The following EPC1 variants were observed in gnomAD, a reference collection of about 807,000 sequenced individuals.
The protein encoded by EPC1 is enhancer of polycomb 1, also known as enhancer of polycomb homolog 1.
A neutral mutation model predicts 98.4 loss-of-function variants in EPC1; 12 were observed. That is an observed-to-expected ratio of 0.12 (90% CI 0.08 to 0.20). The LOEUF (loss-of-function observed/expected upper bound fraction) is 0.20. Ranked by LOEUF, EPC1 falls within the 10% of genes least tolerant of loss-of-function variation. The probability of loss-of-function intolerance (pLI) is 1.00; values close to 1 mark genes in which losing one functional copy is unlikely to be tolerated. For synonymous variants in EPC1, 357 were observed against 363.9 expected, an observed-to-expected ratio of 0.98 and a Z score of 0.21; for missense variants, 729 against 990.5, an observed-to-expected ratio of 0.74 and a Z score of 3.54.
chr10:32,324,828 C>G, intron 1 of EPC1, among the ~76,000 whole-genome samples: 1 of 151,890 alleles, frequency 6.6e-6, no homozygotes, highest in Non-Finnish European at 1.5e-5. Flanking sequence ...CCCGTCTCCA[C>G]GAAAAATACA....
At chr10:32,377,533 G>T (rs1839894493) in intron 1 of EPC1, 1 of 152,180 alleles carries the variant, frequency 6.6e-6, no homozygotes, top group Non-Finnish European at 1.5e-5. Flanking sequence ...GCCTGTCCCT[G>T]ATGTTCCCTC....
At chr10:32,339,351 A>G (rs118037859) in intron 1 of EPC1, among the ~76,000 whole-genome samples, 263 of 152,256 alleles carry the variant, frequency 1.7e-3, no homozygotes, top group Middle Eastern at 3.4e-3. Context: ...CCTTACATCT[A>G]GTAACTCCGA....
chr10:32,347,309 C>G (rs2370762), upstream of EPC1: 2 of 610,610 alleles, frequency 3.3e-6, no homozygotes, highest in Non-Finnish European at 4.2e-6. Flanking sequence ...TCGCTTCCCG[C>G]GCCTCGCTGC....
At chr10:32,272,758 A>T (rs1257206816) in intron 11 of EPC1, among the ~76,000 whole-genome samples, 1 of 152,228 alleles carries the variant, frequency 6.6e-6, no homozygotes, top group South Asian at 2.1e-4. Context: ...CATGTGTTTA[A>T]CTGGCAAACG....
At chr10:32,306,657 T>C (rs1835891928) in intron 1 of EPC1, among the ~76,000 whole-genome samples, 1 of 152,148 alleles carries the variant, frequency 6.6e-6, no homozygotes, top group Non-Finnish European at 1.5e-5. Flanking sequence ...CTGTACAGAG[T>C]TGGAGATTTA....
chr10:32,308,739 A>C (rs1225461109), intron 1 of EPC1, among the ~76,000 whole-genome samples: 1 of 152,186 alleles, frequency 6.6e-6, no homozygotes, highest in African/African-American at 2.4e-5. Context: ...TCAAAAATCG[A>C]AACAAATAAA....
At chr10:32,322,422 A>G (rs1341379916) in intron 1 of EPC1, among the ~76,000 whole-genome samples, 1 of 152,184 alleles carries the variant, frequency 6.6e-6, no homozygotes, top group Non-Finnish European at 1.5e-5. Context: ...ACCATAAAAG[A>G]AGTCAGAAGA....
intron 10 of EPC1, among the ~76,000 whole-genome samples, chr10:32,280,408 G>A (rs529453159): frequency 2.0e-5 from 3 of 152,150 alleles, no homozygotes; most frequent in East Asian, 1.9e-4. Flanking sequence ...GTGAGATCAC[G>A]CCATGGCACT....
chr10:32,357,393 T>G (rs1033568944), intron 1 of EPC1, among the ~76,000 whole-genome samples: 1 of 152,260 alleles, frequency 6.6e-6, no homozygotes, highest in Non-Finnish European at 1.5e-5. Context: ...TTGTTTCAAT[T>G]GATTTATTTA....
At chr10:32,371,904 A>G (rs1216735417) in intron 1 of EPC1, among the ~76,000 whole-genome samples, 3 of 104,894 alleles carry the variant, frequency 2.9e-5, no homozygotes, top group African/African-American at 7.8e-5. Flanking sequence ...CTCCATCTCA[A>G]AAAATAAAAC....
exon 1 of EPC1, chr10:32,378,680 G>T: frequency 4.1e-6 from 2 of 484,040 alleles, no homozygotes; most frequent in Non-Finnish European, 3.8e-6. Flanking sequence ...CTTCCCCCAG[G>T]ATCTGTGGGC....
At chr10:32,347,183 T>C, upstream of EPC1, 2 of 1,261,330 alleles carry the variant, frequency 1.6e-6, no homozygotes, top group Non-Finnish European at 2.0e-6. Context: ...ACCCCAGCCA[T>C]TCCCCACACT....
chr10:32,277,053 C>G (rs547046412), intron 10 of EPC1, among the ~76,000 whole-genome samples: 107 of 152,152 alleles, frequency 7.0e-4, no homozygotes, highest in Non-Finnish European at 1.2e-3. Flanking sequence ...ACATATGTAA[C>G]AGTGGAAGGA....
At chr10:32,332,514 G>A (rs1263305836) in intron 1 of EPC1, among the ~76,000 whole-genome samples, 1 of 152,186 alleles carries the variant, frequency 6.6e-6, no homozygotes, top group Non-Finnish European at 1.5e-5. Flanking sequence ...CTTGCGTGCT[G>A]TCTTACCACT....
intron 1 of EPC1, among the ~76,000 whole-genome samples, chr10:32,307,448 C>T (rs984330761): frequency 6.6e-6 from 1 of 152,126 alleles, no homozygotes; most frequent in African/African-American, 2.4e-5. Context: ...CTTCTTGTTA[C>T]TTTAGGTTAA....
At chr10:32,367,223 T>G (rs1052874682) in intron 1 of EPC1, among the ~76,000 whole-genome samples, 1 of 152,210 alleles carries the variant, frequency 6.6e-6, no homozygotes, top group Non-Finnish European at 1.5e-5. Context: ...ACTCCTGACC[T>G]CAAGTGATCT....
chr10:32,347,227 G>C, upstream of EPC1: 1 of 1,223,026 alleles, frequency 8.2e-7, no homozygotes, highest in Non-Finnish European at 1.0e-6. Flanking sequence ...GCGGGCGGGG[G>C]GAGGGAGCGC....
chr10:32,360,921 A>G (rs1839426953), intron 1 of EPC1, among the ~76,000 whole-genome samples: 6 of 150,926 alleles, frequency 4.0e-5, no homozygotes, highest in Admixed American at 4.0e-4. Context: ...ATAGACAATC[A>G]GTAATCAATG....
upstream of EPC1, among the ~76,000 whole-genome samples, chr10:32,351,940 T>A (rs113865783): frequency 0.051 from 7,679 of 150,442 alleles, 616 homozygotes; most frequent in African/African-American, 0.17. Context: ...CACCATATGT[T>A]GGCCAGGCTG....
Sources: allele counts gnomAD v4.1 joint callset (sites outside exome capture counted in the v4.1 genomes callset), GRCh38; gene constraint gnomAD v4.1.1; transcripts MANE v1.5; gene names NCBI Gene and HGNC (gene_info 2026-07-23, HGNC 2026-07-21).